Variants in DOCK5 observed in about 807,000 individuals in gnomAD.
DOCK5 encodes dedicator of cytokinesis protein 5.
DOCK5 carries 142 observed loss-of-function variants against 251.8 expected under a neutral mutation model. The ratio of observed to expected loss-of-function variants is 0.56; its 90% CI spans 0.49 to 0.65. DOCK5 has a LOEUF of 0.65. DOCK5 is among the 30% of genes least tolerant of loss of function. The pLI is 0.00. For missense variants in DOCK5, 2,111 were observed against 2,312.3 expected (o/e 0.91, Z 1.79); for synonymous variants, 842 against 835.5 (o/e 1.01, Z -0.13).
chr8:25,276,184 T>C (rs1302267360), intron 4 of DOCK5, among the ~76,000 whole-genome samples: 1 of 152,166 alleles, frequency 6.6e-6, no homozygotes, highest in African/African-American at 2.4e-5. Context: ...ATTTACCAGC[T>C]CTGAGCCTTG....
chr8:25,271,912 T>C (rs936376259), intron 3 of DOCK5, among the ~76,000 whole-genome samples: 2 of 152,228 alleles, frequency 1.3e-5, no homozygotes, highest in Non-Finnish European at 2.9e-5. Context: ...AATGGCCAAG[T>C]GTCATCATGG....
In DOCK5 at chr8:25,373,630, GA is replaced by G; in HGVS notation, c.3701del (p.Lys1234ArgfsTer8). The G allele has an allele frequency of 6.3e-7, 1 of 1,595,262 alleles. No individual in the cohort carries two copies. Among genetic ancestry groups the G allele is most frequent in the South Asian group, 1.1e-5 (1 of 87,476 alleles). The stretch of plus-strand genomic sequence containing the variant: ...TTTTTCCTGGCAGAACTTTTATAAA[GA>G]AAAGAAGAGAGAGGACATATACATA... ...CTVNVLNFYK[E>X]KKREDIYIRY... On this transcript the variant is annotated frameshift_variant, in exon 36 of 52. Transcript: ENST00000276440. LOFTEE classifies it high-confidence loss of function.
rs1293166301 is a variant in DOCK5, at chr8:25,210,033, T to TATATATAA, written c.43+25083_43+25084insTATATAAA. Among the ~76,000 whole-genome samples the TATATATAA allele has an allele frequency of 1.3e-3, 29 of 22,874 alleles. 9 individuals are homozygous for TATATATAA. Among genetic ancestry groups the TATATATAA allele is most frequent in the African/African-American group, 2.2e-3 (25 of 11,428 alleles). The allele number at this position is 22,874 out of a possible 152,430, so 15.0% of individuals were successfully genotyped here. A position where few individuals can be genotyped will look rare whatever the true frequency, so the allele number is the denominator to read the frequency against. On this transcript the variant is annotated intron_variant, in intron 1 of 51. Coordinates refer to ENST00000276440, the MANE Select transcript of DOCK5 (RefSeq NM_024940.8). ...TTATATATATATATATATATATATA[T>TATATATAA]AAATGTGTGTGTGTGTGTGTGTGTG...
At chr8:25,391,486 A>C (rs571247473) in intron 42 of DOCK5, among the ~76,000 whole-genome samples, 3 of 151,920 alleles carry the variant, frequency 2.0e-5, no homozygotes, top group Non-Finnish European at 4.4e-5. Flanking sequence ...AAATACAAAA[A>C]AATTAGCCAG....
intron 38 of DOCK5, among the ~76,000 whole-genome samples, chr8:25,377,752 C>T (rs1264569905): frequency 6.6e-6 from 1 of 152,192 alleles, no homozygotes; most frequent in East Asian, 1.9e-4. Flanking sequence ...GGGCCAGCCA[C>T]ATGAAGGGAC....
intron 3 of DOCK5, among the ~76,000 whole-genome samples, chr8:25,274,985 T>A (rs1804006509): frequency 6.6e-6 from 1 of 152,124 alleles, no homozygotes; most frequent in Middle Eastern, 3.2e-3. Flanking sequence ...AGGGATGACT[T>A]ATTTTATGGG....
chr8:25,376,382 T>C (rs1279790237), intron 37 of DOCK5: 119 of 984,648 alleles, frequency 1.2e-4, no homozygotes, highest in Admixed American at 2.5e-4. Context: ...TCTTTATTAC[T>C]AAATTCTTAT....
At chr8:25,316,324 A>C in intron 13 of DOCK5, among the ~76,000 whole-genome samples, 1 of 152,164 alleles carries the variant, frequency 6.6e-6, no homozygotes, top group East Asian at 1.9e-4. Flanking sequence ...TACAAAAAAT[A>C]CAAAACATTA....
chr8:25,247,247 C>T (rs184800833), intron 2 of DOCK5, among the ~76,000 whole-genome samples: 10 of 152,146 alleles, frequency 6.6e-5, no homozygotes, highest in East Asian at 3.9e-4. Flanking sequence ...GTGACCTCAG[C>T]GTATTTCTAA....
At chr8:25,186,422 C>T (rs1235200105) in intron 1 of DOCK5, among the ~76,000 whole-genome samples, 1 of 151,006 alleles carries the variant, frequency 6.6e-6, no homozygotes, top group Non-Finnish European at 1.5e-5. Flanking sequence ...TCGCCCAGGC[C>T]GGAGTGCAGT....
rs1271146601 is a variant in DOCK5, at chr8:25,413,291, A to C, written c.*1993A>C. 2.6e-5 allele frequency: 4 copies of C among 152,066 alleles called. No individual in the cohort carries two copies. Among genetic ancestry groups the C allele is most frequent in the African/African-American group, 9.6e-5 (4 of 41,506 alleles). 9.4% of individuals were successfully genotyped at this position (152,066 alleles called of 1,614,324 possible). A position where few individuals can be genotyped will look rare whatever the true frequency, so the allele number is the denominator to read the frequency against. On this transcript the variant is annotated 3_prime_UTR_variant, in exon 52 of 52. Transcript: ENST00000276440. ...ATTACTCATACTTTTTTTTTCTTCC[A>C]AGGTAGTTTGGAATGTGAGTGCAAG...
rs1801630656 is a variant in DOCK5, at chr8:25,411,430, C to G, written c.*132C>G. 9.0e-6 allele frequency: 11 copies of G among 1,219,030 alleles called. No homozygotes were observed. In the South Asian group the frequency reaches 2.8e-4, roughly 31 times the overall value. 75.5% of individuals were successfully genotyped at this position (1,219,030 alleles called of 1,614,324 possible). On this transcript the variant is annotated 3_prime_UTR_variant, in exon 52 of 52. Coordinates refer to ENST00000276440, the MANE Select transcript of DOCK5 (RefSeq NM_024940.8). ...CTGATCTGGGATGATGTTTACCAGC[C>G]CAAAACCAGTCATGTTCTTCCAAAA... is the stretch of plus-strand genomic sequence containing the variant.
chr8:25,410,277 CT>C (rs1255741222), intron 51 of DOCK5, 75 bp downstream of exon 51: 1 of 1,289,316 alleles, frequency 7.8e-7, no homozygotes, highest in Non-Finnish European at 1.1e-6. Context: ...TTTCCAGGCT[CT>C]TTAGTGGGCA....
intron 51 of DOCK5, among the ~76,000 whole-genome samples, chr8:25,410,702 TC>T (rs1022530937): frequency 2.7e-4 from 37 of 134,982 alleles, no homozygotes; most frequent in African/African-American, 8.4e-4. Context: ...CCTCAAGTGA[TC>T]CCCCCCACCC....
intron 1 of DOCK5, among the ~76,000 whole-genome samples, chr8:25,193,469 A>G (rs959893591): frequency 6.6e-6 from 1 of 151,848 alleles, no homozygotes; most frequent in African/African-American, 2.4e-5. Flanking sequence ...AGCAAAAAGC[A>G]CAAAAATGAG....
At chr8:25,340,700 C>T (rs913062900) in intron 22 of DOCK5, among the ~76,000 whole-genome samples, 177 bp from the exon 23 acceptor site, 4 of 152,172 alleles carry the variant, frequency 2.6e-5, no homozygotes, top group Admixed American at 6.5e-5. Flanking sequence ...AGAGCCTTTC[C>T]GGGTTGAGCG....
chr8:25,409,721 C>G (rs1266105465), intron 50 of DOCK5: 1 of 159,184 alleles, frequency 6.3e-6, no homozygotes, highest in Non-Finnish European at 1.4e-5. Context: ...TGGTGGGTGC[C>G]TGTAGTCCCA....
Position 25,312,761 on chromosome 8 carries a change from CAAAAAAAAA to C in DOCK5, c.1318+2240_1318+2248del, listed in dbSNP as rs3085652. 3.5e-5 allele frequency among the ~76,000 whole-genome samples: 4 copies of C among 113,914 alleles called. No homozygotes were observed. In the East Asian group the frequency reaches 1.0e-3, roughly 29 times the overall value. 74.7% of individuals were successfully genotyped at this position (113,914 alleles called of 152,430 possible). On this transcript the variant is annotated intron_variant, in intron 13 of 51. Coordinates refer to ENST00000276440, the MANE Select transcript of DOCK5 (RefSeq NM_024940.8). ...ATGGCGACAGAACAAGACTCCGTCTCAAAAAAAAAAAAAAAAAAATTAGCTGGGAGTGGT... is the reference window on the plus strand; with the variant it reads ...ATGGCGACAGAACAAGACTCCGTCTCAAAAAAAAAATTAGCTGGGAGTGGT...
At chr8:25,224,042 G>A (rs997867002) in intron 1 of DOCK5, among the ~76,000 whole-genome samples, 1 of 152,254 alleles carries the variant, frequency 6.6e-6, no homozygotes, top group South Asian at 2.1e-4. Context: ...GAATGAATGA[G>A]GCATTTTTAA....
Sources: allele counts gnomAD v4.1 joint callset (sites outside exome capture counted in the v4.1 genomes callset), GRCh38; gene constraint gnomAD v4.1.1; transcripts MANE v1.5; gene names NCBI Gene and HGNC (gene_info 2026-07-23, HGNC 2026-07-21).